CNTNAP2: variants seen among roughly 807,000 people sequenced by gnomAD.
CNTNAP2 encodes contactin-associated protein-like 2.
In CNTNAP2, 98 loss-of-function variants were observed where a neutral mutation model predicts 155.2. That is an observed-to-expected ratio of 0.63 (90% CI 0.54 to 0.75). CNTNAP2 has a LOEUF of 0.75. CNTNAP2 is among the 30% of genes least tolerant of loss of function. CNTNAP2 has a pLI of 0.00. For missense variants in CNTNAP2, 1,727 were observed against 1,688.1 expected, an observed-to-expected ratio of 1.02 and a Z score of -0.40; for synonymous variants, 651 against 631.2, an observed-to-expected ratio of 1.03 and a Z score of -0.47.
In CNTNAP2 at chr7:148,366,082, GCATGTATACATGTATGTGTA is replaced by G. The variant is rs1563059997; in HGVS notation, c.3476-17566_3476-17547del. Among the ~76,000 whole-genome samples, 10 of 15,518 alleles carry G rather than the reference GCATGTATACATGTATGTGTA, an allele frequency of 6.4e-4. 5 individuals carry two copies. The highest frequency in any genetic ancestry group is 1.3e-3 in the African/African-American group (10 of 7,556). 10.2% of individuals were successfully genotyped at this position (15,518 alleles called of 152,430 possible). A position where few individuals can be genotyped will look rare whatever the true frequency, so the allele number is the denominator to read the frequency against. On this transcript the variant is annotated intron_variant, in intron 21 of 23. Transcript: ENST00000361727. The stretch of plus-strand genomic sequence containing the variant: ...TATGCATGTATGCATGTATGTGTGT[GCATGTATACATGTATGTGTA>G]TGCATGTATGCATGTATGTGTATGC...
intron 14 of CNTNAP2, among the ~76,000 whole-genome samples, chr7:147,974,507 C>A (rs1229699451): frequency 6.6e-6 from 1 of 152,124 alleles, no homozygotes; most frequent in Non-Finnish European, 1.5e-5. Context: ...CACCTGTAAT[C>A]CCAGCTACTA....
chr7:147,898,522 AT>A (rs1018518336), intron 13 of CNTNAP2, among the ~76,000 whole-genome samples: 5 of 139,792 alleles, frequency 3.6e-5, no homozygotes, highest in Non-Finnish European at 6.4e-5. Context: ...ATATACCCAG[AT>A]TTTTTTTTCT....
chr7:146,132,048 C>T (rs529754456), intron 1 of CNTNAP2, among the ~76,000 whole-genome samples: 8 of 152,178 alleles, frequency 5.3e-5, no homozygotes, highest in African/African-American at 1.9e-4. Context: ...TATAAATTAC[C>T]CAATCTCAGG....
chr7:146,613,785 A>C (rs1005853857), intron 1 of CNTNAP2, among the ~76,000 whole-genome samples: 4 of 152,168 alleles, frequency 2.6e-5, no homozygotes, highest in African/African-American at 7.2e-5. Flanking sequence ...GTGGGAATCA[A>C]TTCCAAAATA....
intron 3 of CNTNAP2, among the ~76,000 whole-genome samples, chr7:146,963,360 C>A (rs925278339): frequency 6.6e-6 from 1 of 152,044 alleles, no homozygotes; most frequent in Non-Finnish European, 1.5e-5. Flanking sequence ...TGCTTAATGC[C>A]ATGAAATTTA....
At chr7:147,273,601 A>G (rs963337772) in intron 8 of CNTNAP2, among the ~76,000 whole-genome samples, 4 of 152,078 alleles carry the variant, frequency 2.6e-5, no homozygotes, top group African/African-American at 4.8e-5. Flanking sequence ...ATAAGTAAGA[A>G]CATGAAGTAT....
In CNTNAP2 at chr7:147,881,722, G is replaced by A. The variant is rs1011761379; in HGVS notation, c.2099-21843G>A. On this transcript the variant is annotated intron_variant, in intron 13 of 23. Transcript: ENST00000361727. ...ACCGTGGCTCACGCCTGTAATCCCA[G>A]CACTTTGGGAGGCCGAGGCTGGCAG... Among the ~76,000 whole-genome samples the A allele has an allele frequency of 2.6e-5, 4 of 152,204 alleles. No individual in the cohort carries two copies. The East Asian group carries it at 7.7e-4, about 29-fold the overall frequency.
At chr7:148,091,190 T>C (rs1803833117) in intron 15 of CNTNAP2, among the ~76,000 whole-genome samples, 2 of 152,280 alleles carry the variant, frequency 1.3e-5, no homozygotes, top group Middle Eastern at 3.4e-3. Flanking sequence ...ATATTGTGTA[T>C]ATGAAAATTG....
At chr7:146,661,304 C>A (rs1800083123) in intron 1 of CNTNAP2, among the ~76,000 whole-genome samples, 1 of 151,620 alleles carries the variant, frequency 6.6e-6, no homozygotes, top group African/African-American at 2.4e-5. Context: ...TAATTGGGTT[C>A]ATTAAATCAT....
intron 1 of CNTNAP2, among the ~76,000 whole-genome samples, chr7:146,499,826 G>C (rs972350019): frequency 6.6e-6 from 1 of 152,132 alleles, no homozygotes; most frequent in African/African-American, 2.4e-5. Context: ...TTTTAACACT[G>C]TAACTCTTAC....
chr7:147,078,878 T>C (rs1416351403), intron 4 of CNTNAP2, among the ~76,000 whole-genome samples: 2 of 152,024 alleles, frequency 1.3e-5, no homozygotes, highest in South Asian at 2.1e-4. Context: ...GTCTCCCGAG[T>C]AGCTGGGATT....
chr7:146,975,184 G>A (rs904793762), intron 3 of CNTNAP2, among the ~76,000 whole-genome samples: 1 of 152,026 alleles, frequency 6.6e-6, no homozygotes, highest in African/African-American at 2.4e-5. Flanking sequence ...GTAGCTCACG[G>A]CTGGGCGCGT....
chr7:146,871,576 T>C (rs1361803327), intron 3 of CNTNAP2, among the ~76,000 whole-genome samples: 5 of 151,708 alleles, frequency 3.3e-5, no homozygotes, highest in East Asian at 1.9e-4. Context: ...AAAAATGATA[T>C]AGCTACATGA....
intron 1 of CNTNAP2, among the ~76,000 whole-genome samples, chr7:146,337,575 C>T (rs568409347): frequency 2.0e-3 from 303 of 152,288 alleles, no homozygotes; most frequent in Non-Finnish European, 3.2e-3. Flanking sequence ...ACTCCAACCT[C>T]AGCCTCCTGA....
intron 1 of CNTNAP2, among the ~76,000 whole-genome samples, chr7:146,585,577 T>C (rs1242339221): frequency 1.3e-5 from 2 of 152,130 alleles, no homozygotes; most frequent in African/African-American, 4.8e-5. Flanking sequence ...ATGACTTTGT[T>C]ACATTATTCT....
intron 16 of CNTNAP2, among the ~76,000 whole-genome samples, chr7:148,126,506 A>G (rs1314854672): frequency 1.3e-5 from 2 of 152,156 alleles, no homozygotes; most frequent in Non-Finnish European, 2.9e-5. Context: ...AAATTTTGGA[A>G]CTCACGATTT....
At chr7:146,506,229 CT>C (rs1797382743) in intron 1 of CNTNAP2, among the ~76,000 whole-genome samples, 1 of 152,152 alleles carries the variant, frequency 6.6e-6, no homozygotes, top group Admixed American at 6.5e-5. Context: ...GCATATGCCC[CT>C]GCAACCTCAG....
intron 1 of CNTNAP2, among the ~76,000 whole-genome samples, chr7:146,679,754 TTTC>T (rs1369043251): frequency 6.6e-6 from 1 of 152,202 alleles, no homozygotes; most frequent in Non-Finnish European, 1.5e-5. Flanking sequence ...TTTCCCTTCG[TTTC>T]TTCTTTCTTT....
At chr7:148,087,944 A>G (rs936029286) in intron 15 of CNTNAP2, among the ~76,000 whole-genome samples, 6 of 152,264 alleles carry the variant, frequency 3.9e-5, no homozygotes, top group African/African-American at 1.2e-4. Flanking sequence ...TTCTCAAATT[A>G]TGTGATTTTA....
Sources: gnomAD v4.1 joint callset for allele counts (sites outside exome capture counted in the v4.1 genomes callset) on GRCh38, gnomAD v4.1.1 for gene constraint, MANE v1.5 for transcripts, NCBI Gene and HGNC (gene_info 2026-07-23, HGNC 2026-07-21) for gene names.